RLF: variants seen among roughly 807,000 people sequenced by gnomAD.
RLF encodes the protein zinc finger protein Rlf.
Under a neutral mutation model 162.9 loss-of-function variants are expected in RLF, and 7 were observed. The ratio of observed to expected loss-of-function variants is 0.04; its 90% CI spans 0.02 to 0.08. The LOEUF (loss-of-function observed/expected upper bound fraction) is 0.08. Ranked by LOEUF, RLF falls within the 10% of genes least tolerant of loss-of-function variation. The pLI, the probability that RLF is intolerant of heterozygous loss-of-function variation, is 1.00. For synonymous variants in RLF, 782 were observed against 791.5 expected (o/e 0.99, Z 0.20); for missense variants, 1,664 against 2,244.7 (o/e 0.74, Z 5.23).
At position 40,240,453 on chromosome 1, in the gene RLF, A is replaced by T. The variant is rs371602172; in HGVS notation, c.*6A>T. ...TTTGTGTAGGAAGTTCATAAGTAGC[A>T]ATTTTGTTTTAGTAACAGACTGGCT... On this transcript the variant is annotated 3_prime_UTR_variant, in exon 8 of 8. Transcript: ENST00000372771. 5.6e-6 allele frequency: 9 copies of T among 1,601,728 alleles called. No homozygotes were observed. The African/African-American group carries it at 1.2e-4, about 22-fold the overall frequency.
intron 6 of RLF, among the ~76,000 whole-genome samples, chr1:40,224,865 TA>T (rs1403949063): frequency 2.6e-5 from 4 of 151,434 alleles, no homozygotes; most frequent in African/African-American, 9.7e-5. Flanking sequence ...CAGACACCTG[TA>T]ATCCCAGCTA....
At chr1:40,229,197 T>C (rs984257797) in intron 6 of RLF, among the ~76,000 whole-genome samples, 4 of 152,180 alleles carry the variant, frequency 2.6e-5, no homozygotes. Flanking sequence ...CACATACATA[T>C]GACAGATTAC....
At chr1:40,224,790 C>T (rs972927054) in intron 6 of RLF, among the ~76,000 whole-genome samples, 8 of 150,028 alleles carry the variant, frequency 5.3e-5, no homozygotes, top group Admixed American at 1.3e-4. Flanking sequence ...AGTTCAAGAC[C>T]AGCCTGACCA....
At chr1:40,205,485 CTTTTTTTT>C (rs36038824) in intron 5 of RLF, among the ~76,000 whole-genome samples, 3 of 107,060 alleles carry the variant, frequency 2.8e-5, no homozygotes, top group Non-Finnish European at 5.4e-5. Context: ...TTCCTTCCTT[CTTTTTTTT>C]TTTTTTTTTT....
At chr1:40,190,992 C>T in intron 3 of RLF, 139 bp downstream of exon 3, 1 of 459,782 alleles carries the variant, frequency 2.2e-6, no homozygotes, top group Non-Finnish European at 3.8e-6. Flanking sequence ...ATAAAAAGGC[C>T]CTTCACATGA....
chr1:40,210,587 A>C (rs1235524209), intron 5 of RLF, among the ~76,000 whole-genome samples: 1 of 152,356 alleles, frequency 6.6e-6, no homozygotes, highest in East Asian at 1.9e-4. Context: ...GAAATTAAGA[A>C]GGCTTTGCAG....
chr1:40,232,779 A>G (rs1570564605), intron 7 of RLF, among the ~76,000 whole-genome samples: 1 of 152,266 alleles, frequency 6.6e-6, no homozygotes, highest in African/African-American at 2.4e-5. Context: ...ATCATAGCTC[A>G]TTACAGCTTC....
chr1:40,203,547 A>G (rs1472420361), intron 5 of RLF, among the ~76,000 whole-genome samples: 2 of 148,488 alleles, frequency 1.3e-5, no homozygotes, highest in Non-Finnish European at 2.9e-5. Flanking sequence ...CCATCTCAAA[A>G]AAACAACAAC....
In RLF at chr1:40,239,597, G is replaced by A. The variant is rs374742163; in HGVS notation, c.4895G>A (p.Ser1632Asn). The change falls in exon 8 of 8, where the codon AGT (serine) becomes AAT (asparagine). Residue 1632 changes from serine to asparagine, a missense_variant. By Grantham distance (46) the Ser-to-Asn change is conservative. Transcript: ENST00000372771. ...GAACACAGCCATTCCCCGGGTGACA[G>A]TAGTGCACCCATCCAGAACACTGAT... ...RTEHSHSPGDSSAPIQNTDCC... is the reference protein window; with the variant it reads ...RTEHSHSPGDNSAPIQNTDCC... The A allele has an allele frequency of 3.3e-5, 53 of 1,614,156 alleles. No individual in the cohort carries two copies. The East Asian group carries it at 1.1e-3, about 35-fold the overall frequency.
At position 40,228,655 on chromosome 1, in the gene RLF, C is replaced by T. The variant is rs559229014; in HGVS notation, c.948-2862C>T. ...TTACCACTTTAATGGATTTACCTAA[C>T]TTTGTTGCCAGGCTGGAGTATAGTG... is the stretch of plus-strand genomic sequence containing the variant. On this transcript the variant is annotated intron_variant, in intron 6 of 7. Transcript: ENST00000372771. Among the ~76,000 whole-genome samples, 13 of 152,140 alleles carry T rather than the reference C, an allele frequency of 8.5e-5. No homozygotes were observed. The East Asian group carries it at 2.3e-3, about 27-fold the overall frequency.
chr1:40,231,343 T>A lies in RLF; in HGVS notation c.948-174T>A, dbSNP rs890713413. On this transcript the variant is annotated intron_variant, in intron 6 of 7. Transcript: ENST00000372771. Reference sequence around the variant, plus strand: ...AAGTCAGGGAATTGTTACGGAGGATTCTTAACAATTTTATCAGTTTGGGAG... The same window carrying A: ...AAGTCAGGGAATTGTTACGGAGGATACTTAACAATTTTATCAGTTTGGGAG... The A allele has an allele frequency of 5.6e-6, 3 of 534,476 alleles. No homozygotes were observed. The African/African-American group carries it at 5.7e-5, about 10-fold the overall frequency. 33.1% of individuals were successfully genotyped at this position (534,476 alleles called of 1,614,324 possible).
chr1:40,165,467 A>G (rs1180370706), intron 1 of RLF, among the ~76,000 whole-genome samples: 2 of 151,952 alleles, frequency 1.3e-5, no homozygotes, highest in Non-Finnish European at 2.9e-5. Context: ...TGGTTCTCTC[A>G]TTTTCTGCAT....
intron 1 of RLF, among the ~76,000 whole-genome samples, chr1:40,183,940 G>A (rs1642439302): frequency 6.6e-6 from 1 of 152,122 alleles, no homozygotes; most frequent in African/African-American, 2.4e-5. Context: ...TGAACTATGT[G>A]AAATTTAAAT....
At chr1:40,205,485 C>CTTTT (rs36038824) in intron 5 of RLF, among the ~76,000 whole-genome samples, 87 of 107,002 alleles carry the variant, frequency 8.1e-4, no homozygotes, top group Non-Finnish European at 9.4e-4. Context: ...TTCCTTCCTT[C>CTTTT]TTTTTTTTTT....
At chr1:40,202,180 A>G (rs760668987) in intron 4 of RLF, among the ~76,000 whole-genome samples, 1 of 152,226 alleles carries the variant, frequency 6.6e-6, no homozygotes, top group South Asian at 2.1e-4. Context: ...TTAATATTAC[A>G]TAGGTTACTT....
At chr1:40,184,192 C>T (rs992213278) in intron 1 of RLF, among the ~76,000 whole-genome samples, 8 of 152,110 alleles carry the variant, frequency 5.3e-5, no homozygotes, top group African/African-American at 1.4e-4. Flanking sequence ...TTCCTGCTAC[C>T]TCAGTGCTAA....
intron 3 of RLF, 118 bp downstream of exon 3, chr1:40,190,971 G>A (rs868098420): frequency 4.0e-6 from 2 of 500,294 alleles, no homozygotes; most frequent in Middle Eastern, 5.8e-4. Flanking sequence ...TTGATATTAG[G>A]TCATGAAATG....
chr1:40,213,185 A>G (rs1642884203), intron 5 of RLF, among the ~76,000 whole-genome samples: 2 of 152,250 alleles, frequency 1.3e-5, no homozygotes, highest in African/African-American at 4.8e-5. Context: ...TTTATCTCCT[A>G]AAGCACAGTT....
At chr1:40,216,906 G>A (rs1040093890) in intron 5 of RLF, among the ~76,000 whole-genome samples, 4 of 151,950 alleles carry the variant, frequency 2.6e-5, no homozygotes, top group Non-Finnish European at 2.9e-5. Flanking sequence ...ACAAAAATTA[G>A]CGAGGTGTGG....
Sources: allele counts gnomAD v4.1 joint callset (sites outside exome capture counted in the v4.1 genomes callset), GRCh38; gene constraint gnomAD v4.1.1; transcripts MANE v1.5; gene names NCBI Gene and HGNC (gene_info 2026-07-23, HGNC 2026-07-21).